The following TMEM131 variants were observed in gnomAD, a reference collection of about 807,000 sequenced individuals.
The protein encoded by TMEM131 is 2610524E03Rik.
A neutral mutation model predicts 211.6 loss-of-function variants in TMEM131; 66 were observed. The observed-to-expected ratio is 0.31, with a 90% confidence interval of 0.26 to 0.38. The LOEUF is 0.38. Among genes scored for constraint, TMEM131 ranks in the 10% least tolerant of loss-of-function variants. The probability of loss-of-function intolerance (pLI) is 1.00; values close to 1 mark genes in which losing one functional copy is unlikely to be tolerated. For synonymous variants in TMEM131, 844 were observed against 841.3 expected (o/e 1.00, Z -0.06); for missense variants, 2,036 against 2,299.3 (o/e 0.89, Z 2.34).
At chr2:97,842,410 C>T (rs2105101608) in intron 6 of TMEM131, among the ~76,000 whole-genome samples, 1 of 152,096 alleles carries the variant, frequency 6.6e-6, no homozygotes, top group Non-Finnish European at 1.5e-5. Context: ...GTGCTAGGCA[C>T]ATATACAATA....
intron 12 of TMEM131, 106 bp downstream of exon 12, chr2:97,818,505 TTC>T: frequency 2.0e-6 from 1 of 491,172 alleles, no homozygotes; most frequent in African/African-American, 2.3e-5. Flanking sequence ...GTAATATAAA[TTC>T]TGATGGTAAA....
chr2:97,881,391 A>C (rs72942856), intron 4 of TMEM131, among the ~76,000 whole-genome samples: 3,735 of 151,790 alleles, frequency 0.025, 165 homozygotes, highest in African/African-American at 0.087. Flanking sequence ...AATTTTTTGT[A>C]GGGATTGGGT....
At chr2:97,820,869 G>A (rs1237213393) in intron 11 of TMEM131, among the ~76,000 whole-genome samples, 1 of 150,040 alleles carries the variant, frequency 6.7e-6, no homozygotes, top group Non-Finnish European at 1.5e-5. Flanking sequence ...AAAAAAAAAA[G>A]CAGCCCAGCC....
chr2:97,896,829 C>T (rs1675633101), intron 3 of TMEM131, among the ~76,000 whole-genome samples: 1 of 151,886 alleles, frequency 6.6e-6, no homozygotes, highest in South Asian at 2.1e-4. Flanking sequence ...AGATGCTTAA[C>T]GTTTTCCATC....
intron 39 of TMEM131, chr2:97,759,366 AG>A (rs1353449830): frequency 3.8e-6 from 2 of 527,106 alleles, no homozygotes; most frequent in Non-Finnish European, 6.8e-6. Flanking sequence ...TGGCACACTC[AG>A]GGGTCCCATT....
Position 97,769,326 on chromosome 2 carries a change from T to C in TMEM131, c.4449-2724A>G, listed in dbSNP as rs547737877. ...ATTTTCCTCCATTTTTTAATAATAATGTTTTTCTTTTTCTTAATATTCTGA... is the reference window on the plus strand; with the variant it reads ...ATTTTCCTCCATTTTTTAATAATAACGTTTTTCTTTTTCTTAATATTCTGA... On this transcript the variant is annotated intron_variant, in intron 33 of 40. Transcript: ENST00000186436. Among the ~76,000 whole-genome samples, 5 of 152,304 alleles carry C rather than the reference T, an allele frequency of 3.3e-5. No homozygotes were observed. The South Asian group carries it at 1.0e-3, about 32-fold the overall frequency.
intron 8 of TMEM131, 95 bp from the exon 9 acceptor site, chr2:97,835,020 G>A: frequency 1.5e-6 from 2 of 1,320,354 alleles, no homozygotes; most frequent in Non-Finnish European, 1.1e-6. Flanking sequence ...TGAAAGATGA[G>A]TATTCTATAT....
Position 97,794,078 on chromosome 2 carries a change from T to C in TMEM131, c.3387-525A>G, listed in dbSNP as rs376013979. 3.3e-5 allele frequency among the ~76,000 whole-genome samples: 5 copies of C among 152,074 alleles called. No individual in the cohort carries two copies. In the East Asian group the frequency reaches 9.7e-4, roughly 29 times the overall value. On this transcript the variant is annotated intron_variant, in intron 29 of 40. Transcript: ENST00000186436. ...TCAGTTTTTCTCTTTCTTTCTTTTT[T>C]TTCCTGAGACAAAGTTTCGCTCTTA...
intron 5 of TMEM131, among the ~76,000 whole-genome samples, chr2:97,858,819 C>T (rs2105174053): frequency 6.6e-6 from 1 of 152,334 alleles, no homozygotes; most frequent in East Asian, 1.9e-4. Flanking sequence ...CTCTCAACAA[C>T]TTTAATGAGT....
chr2:97,863,640 T>C (rs967540134), intron 4 of TMEM131, among the ~76,000 whole-genome samples: 3 of 152,156 alleles, frequency 2.0e-5, no homozygotes, highest in African/African-American at 4.8e-5. Flanking sequence ...CAAAGAGGTA[T>C]ATAAAAAATG....
intron 1 of TMEM131, among the ~76,000 whole-genome samples, chr2:97,991,640 G>C (rs963434207): frequency 6.6e-6 from 1 of 152,122 alleles, no homozygotes; most frequent in Non-Finnish European, 1.5e-5. Context: ...AACCAGAACC[G>C]AGAAGTACAG....
intron 2 of TMEM131, among the ~76,000 whole-genome samples, chr2:97,914,754 A>G (rs533956242): frequency 6.6e-6 from 1 of 152,340 alleles, no homozygotes; most frequent in Middle Eastern, 3.4e-3. Flanking sequence ...GTATGAACGT[A>G]TCACTGTTTA....
chr2:97,809,506 T>C (rs965625155), intron 19 of TMEM131, among the ~76,000 whole-genome samples, 182 bp downstream of exon 19: 1 of 152,200 alleles, frequency 6.6e-6, no homozygotes, highest in Non-Finnish European at 1.5e-5. Flanking sequence ...CCTTTCTAGA[T>C]AGAAAACTTT....
chr2:97,807,477 G>A (rs570854580), intron 19 of TMEM131, among the ~76,000 whole-genome samples: 2 of 152,310 alleles, frequency 1.3e-5, no homozygotes, highest in South Asian at 4.1e-4. Context: ...CTTTGCACAT[G>A]CCAGCTCCTC....
intron 1 of TMEM131, among the ~76,000 whole-genome samples, chr2:97,943,676 T>G (rs1256162419): frequency 6.6e-6 from 1 of 152,162 alleles, no homozygotes; most frequent in African/African-American, 2.4e-5. Flanking sequence ...TATTCAAGAA[T>G]AGCCAAAACA....
intron 33 of TMEM131, among the ~76,000 whole-genome samples, chr2:97,768,385 G>T (rs1373589365): frequency 1.3e-5 from 2 of 152,202 alleles, no homozygotes; most frequent in Admixed American, 6.5e-5. Flanking sequence ...GTGTGGGTGT[G>T]ATCTATTTTT....
chr2:97,766,190 G>A lies in TMEM131; in HGVS notation c.4647C>T (p.Asn1549=), dbSNP rs371999335. 2.6e-4 allele frequency: 412 copies of A among 1,613,928 alleles called. 1 individual carries two copies. The highest frequency in any genetic ancestry group is 3.8e-4 in the Admixed American group (23 of 60,012). The change falls in exon 35 of 41, where the codon AAC becomes AAT. Residue 1549 remains asparagine, a synonymous_variant. Coordinates refer to ENST00000186436, the MANE Select transcript of TMEM131 (RefSeq NM_015348.2). ...KFLPNSQELG[N]TSSSEGEKDS... ...CTTTTTCACCCTCTGAGCTACTGGT[G>A]TTGCCTAATTCTTGACTATTCGGGA... is the stretch of plus-strand genomic sequence containing the variant.
intron 27 of TMEM131, 71 bp downstream of exon 27, chr2:97,796,773 G>C: frequency 6.7e-7 from 1 of 1,484,250 alleles, no homozygotes; most frequent in Non-Finnish European, 9.3e-7. Flanking sequence ...AAATAATGTT[G>C]TTTTTGAAAT....
intron 1 of TMEM131, among the ~76,000 whole-genome samples, chr2:97,972,044 C>A (rs1192125819): frequency 6.6e-6 from 1 of 151,340 alleles, no homozygotes; most frequent in Non-Finnish European, 1.5e-5. Flanking sequence ...CCCATCTCTA[C>A]TAAAACTACA....
Sources: gnomAD v4.1 joint callset for allele counts (sites outside exome capture counted in the v4.1 genomes callset) on GRCh38, gnomAD v4.1.1 for gene constraint, MANE v1.5 for transcripts, NCBI Gene and HGNC (gene_info 2026-07-23, HGNC 2026-07-21) for gene names.